The following CANX variants were observed in gnomAD, a reference collection of about 807,000 sequenced individuals.
CANX encodes epididymis secretory sperm binding protein.
A neutral mutation model predicts 75.7 loss-of-function variants in CANX; 14 were observed. The observed-to-expected ratio is 0.19, with a 90% CI of 0.12 to 0.29. The LOEUF (loss-of-function observed/expected upper bound fraction) is 0.29. Ranked by LOEUF, CANX falls within the 10% of genes least tolerant of loss-of-function variation. The probability of loss-of-function intolerance (pLI) is 1.00; values close to 1 mark genes in which losing one functional copy is unlikely to be tolerated. For missense variants in CANX, 567 were observed against 713.2 expected (o/e 0.79, Z 2.34); for synonymous variants, 227 against 236.9 (o/e 0.96, Z 0.38).
upstream of CANX, among the ~76,000 whole-genome samples, chr5:179,696,433 G>A (rs1188799953): frequency 3.3e-5 from 5 of 151,798 alleles, no homozygotes; most frequent in African/African-American, 1.2e-4. Context: ...GCACCAGTAT[G>A]CCCGGCTAAT....
chr5:179,710,088 G>T (rs867958659), intron 7 of CANX, 23 bp downstream of exon 7: 1 of 1,383,498 alleles, frequency 7.2e-7, no homozygotes, highest in Middle Eastern at 1.8e-4. Context: ...ATTAGTTTGG[G>T]GGCTTATGGT....
At chr5:179,728,133 AG>A (rs935045703) in intron 14 of CANX, among the ~76,000 whole-genome samples, 3 of 152,254 alleles carry the variant, frequency 2.0e-5, no homozygotes, top group Non-Finnish European at 4.4e-5. Flanking sequence ...ATTTAAAAAA[AG>A]GGAATATTTT....
At chr5:179,690,611 G>C (rs1027027976) in intron 1 of CANX, among the ~76,000 whole-genome samples, 3 of 147,394 alleles carry the variant, frequency 2.0e-5, no homozygotes, top group African/African-American at 5.0e-5. Flanking sequence ...CTGAAAAAAG[G>C]CTGGGCCCAG....
intron 14 of CANX, among the ~76,000 whole-genome samples, chr5:179,727,625 G>A (rs1323371760): frequency 2.0e-5 from 3 of 152,276 alleles, no homozygotes; most frequent in East Asian, 3.9e-4. Context: ...CTAGTGAAGC[G>A]GGCAGCCATC....
At chr5:179,722,401 A>G (rs939860830) in intron 10 of CANX, among the ~76,000 whole-genome samples, 1 of 152,226 alleles carries the variant, frequency 6.6e-6, no homozygotes, top group Non-Finnish European at 1.5e-5. Flanking sequence ...TGTTGTGAGT[A>G]TTTCTCTAGG....
At chr5:179,718,790 A>C (rs1318512915) in intron 8 of CANX, among the ~76,000 whole-genome samples, 1 of 152,154 alleles carries the variant, frequency 6.6e-6, no homozygotes, top group Non-Finnish European at 1.5e-5. Context: ...GGCCTCCCAA[A>C]GTGCTAGGAT....
chr5:179,679,741 C>T (rs1776006477), intron 1 of CANX, among the ~76,000 whole-genome samples: 2 of 152,010 alleles, frequency 1.3e-5, no homozygotes, highest in Non-Finnish European at 1.5e-5. Context: ...TCACTGCAAC[C>T]TCCACCTCCC....
chr5:179,724,549 C>T (rs1239665633), intron 12 of CANX, 108 bp from the exon 13 acceptor site: 2 of 844,472 alleles, frequency 2.4e-6, no homozygotes, highest in Non-Finnish European at 3.9e-6. Context: ...TTCTGTATAT[C>T]TATCCCTGTA....
At chr5:179,695,490 C>T (rs1021050587), upstream of CANX, among the ~76,000 whole-genome samples, 8 of 150,280 alleles carry the variant, frequency 5.3e-5, no homozygotes, top group African/African-American at 1.5e-4. Flanking sequence ...CCACCATGCC[C>T]GGCTAATTTT....
chr5:179,692,891 A>C (rs907392693), intron 1 of CANX, among the ~76,000 whole-genome samples: 18 of 152,166 alleles, frequency 1.2e-4, no homozygotes, highest in Non-Finnish European at 2.9e-5. Flanking sequence ...TCACGCCTGT[A>C]ATCCCAGCAC....
intron 7 of CANX, among the ~76,000 whole-genome samples, chr5:179,710,672 C>T (rs531017233): frequency 9.1e-6 from 1 of 109,362 alleles, no homozygotes; most frequent in East Asian, 2.7e-4. Flanking sequence ...CGCGCCACTG[C>T]ACTCCAGCCT....
chr5:179,720,870 G>A (rs1340898996), intron 10 of CANX, among the ~76,000 whole-genome samples: 8 of 151,964 alleles, frequency 5.3e-5, no homozygotes, highest in Admixed American at 5.2e-4. Flanking sequence ...TGCAACCTCT[G>A]CCTTCCGGTT....
At chr5:179,700,760 T>TA (rs1776684583) in intron 1 of CANX, 1 of 153,194 alleles carries the variant, frequency 6.5e-6, no homozygotes, top group Non-Finnish European at 1.5e-5. Context: ...TCCTTTTAGT[T>TA]AGAGTTCTCT....
At chr5:179,685,919 G>A (rs1399175833) in intron 1 of CANX, among the ~76,000 whole-genome samples, 1 of 152,014 alleles carries the variant, frequency 6.6e-6, no homozygotes, top group Non-Finnish European at 1.5e-5. Flanking sequence ...TCAAACTCCT[G>A]ACCTCAGGTT....
intron 6 of CANX, 69 bp from the exon 7 acceptor site, chr5:179,709,804 A>G (rs1581860032): frequency 2.1e-6 from 2 of 972,688 alleles, no homozygotes; most frequent in Non-Finnish European, 3.0e-6. Context: ...ATTATCATAC[A>G]CTTTTGAAAC....
rs963712787 is a variant in CANX at position 179,708,457 on chromosome 5, G to A, written c.446+77G>A. 5.2e-6 allele frequency: 7 copies of A among 1,350,144 alleles called. No individual in the cohort carries two copies. In the African/African-American group the frequency reaches 7.3e-5, roughly 14 times the overall value. 83.6% of individuals were successfully genotyped at this position (1,350,144 alleles called of 1,614,324 possible). A position where few individuals can be genotyped will look rare whatever the true frequency, so the allele number is the denominator to read the frequency against. ...AGACATTATGTAACTTTTACTCTAT[G>A]TTAAAAAATTATGAGATTATATAAG... On this transcript the variant is annotated intron_variant, in intron 5 of 14. Coordinates refer to ENST00000247461, the MANE Select transcript of CANX (RefSeq NM_001746.4).
intron 7 of CANX, chr5:179,715,845 T>G: frequency 2.0e-6 from 1 of 504,192 alleles, no homozygotes; most frequent in South Asian, 1.8e-5. Flanking sequence ...TTAGTGTCTA[T>G]AAGTCAAGTC....
In CANX at chr5:179,724,510, C is replaced by T. The variant is rs114420347; in HGVS notation, c.1519-147C>T. 5.7e-3 allele frequency: 3,623 copies of T among 633,158 alleles called. 19 individuals carry two copies. The highest frequency in any genetic ancestry group is 8.3e-3 in the Non-Finnish European group (2,929 of 351,226). The allele number at this position is 633,158 out of a possible 1,614,324, so 39.2% of individuals were successfully genotyped here. A position where few individuals can be genotyped will look rare whatever the true frequency, so the allele number is the denominator to read the frequency against. ...GCATACACACACGTACATACACGCT[C>T]TTCAGGGTAGGAATTACATCCTATT... On this transcript the variant is annotated intron_variant, in intron 12 of 14. Transcript: ENST00000247461.
At chr5:179,683,186 T>G (rs1200262562) in intron 1 of CANX, among the ~76,000 whole-genome samples, 3 of 152,236 alleles carry the variant, frequency 2.0e-5, no homozygotes, top group African/African-American at 7.2e-5. Flanking sequence ...TGGAGTGCAG[T>G]GGCGCTACCT....
Sources: allele counts gnomAD v4.1 joint callset (sites outside exome capture counted in the v4.1 genomes callset), GRCh38; gene constraint gnomAD v4.1.1; transcripts MANE v1.5; gene names NCBI Gene and HGNC (gene_info 2026-07-23, HGNC 2026-07-21).